AKAP13: variants seen among roughly 807,000 people sequenced by gnomAD.
AKAP13 encodes the protein A-kinase anchoring protein 13.
A neutral mutation model predicts 264.5 loss-of-function variants in AKAP13; 80 were observed. The ratio of observed to expected loss-of-function variants is 0.30; its 90% confidence interval spans 0.25 to 0.36. The LOEUF (loss-of-function observed/expected upper bound fraction) is 0.36, where lower values mean the gene tolerates loss of function less well. AKAP13 is among the 10% of genes least tolerant of loss of function. AKAP13 has a pLI of 1.00. For synonymous variants in AKAP13, 1,380 were observed against 1,250.2 expected, an observed-to-expected ratio of 1.10 and a Z score of -2.19; for missense variants, 3,712 against 3,435.2, an observed-to-expected ratio of 1.08 and a Z score of -2.01.
At chr15:85,651,628 C>A (rs2082854227) in intron 10 of AKAP13, 1 of 152,218 alleles carries the variant, frequency 6.6e-6, no homozygotes, top group Non-Finnish European at 1.5e-5. Context: ...GAAGTGAGCA[C>A]CCATCAGTGA....
intron 1 of AKAP13, among the ~76,000 whole-genome samples, chr15:85,427,989 C>T (rs16978061): frequency 1.1e-3 from 172 of 152,250 alleles, no homozygotes; most frequent in African/African-American, 4.0e-3. Flanking sequence ...GCTTACTGTC[C>T]AACTTACACT....
intron 16 of AKAP13, among the ~76,000 whole-genome samples, chr15:85,688,899 T>C: frequency 6.6e-6 from 1 of 152,318 alleles, no homozygotes; most frequent in South Asian, 2.1e-4. Context: ...CTTTGAGAGA[T>C]AGTGCTGTTT....
chr15:85,548,954 A>T (rs927662516), intron 5 of AKAP13, among the ~76,000 whole-genome samples: 1 of 150,866 alleles, frequency 6.6e-6, no homozygotes, highest in African/African-American at 2.4e-5. Context: ...ACTGTCTTCA[A>T]TGGGTTGCTT....
At chr15:85,482,308 C>T (rs2075376131) in intron 1 of AKAP13, among the ~76,000 whole-genome samples, 1 of 152,110 alleles carries the variant, frequency 6.6e-6, no homozygotes, top group South Asian at 2.1e-4. Context: ...ATTTGCTATT[C>T]CTTCTTCTGT....
At position 85,516,839 on chromosome 15, in the gene AKAP13, C is replaced by T. The variant is rs150019429; in HGVS notation, c.34-4589C>T. On this transcript the variant is annotated intron_variant, in intron 2 of 36. Coordinates refer to ENST00000394518, the MANE Select transcript of AKAP13 (RefSeq NM_007200.5). ...ACAAGAGATGTGAGTTGTGAAGACA[C>T]GCAGCAGGACACCATTATGTGGAAT... Among the ~76,000 whole-genome samples, 25 of 152,264 alleles carry T rather than the reference C, an allele frequency of 1.6e-4. 1 individual carries two copies. In the East Asian group the frequency reaches 3.5e-3, roughly 21 times the overall value.
At chr15:85,528,992 A>C (rs2077167946) in intron 3 of AKAP13, among the ~76,000 whole-genome samples, 1 of 152,184 alleles carries the variant, frequency 6.6e-6, no homozygotes, top group South Asian at 2.1e-4. Flanking sequence ...AACACCATGG[A>C]ACTAACTGAA....
intron 8 of AKAP13, among the ~76,000 whole-genome samples, chr15:85,613,691 A>AATATATATATATAT (rs751538813): frequency 3.3e-5 from 3 of 91,958 alleles, no homozygotes; most frequent in African/African-American, 1.4e-4. Flanking sequence ...AAAAAAAAAA[A>AATATATATATATAT]ATATATATAT....
intron 10 of AKAP13, among the ~76,000 whole-genome samples, chr15:85,651,181 A>G (rs1484204673): frequency 6.6e-6 from 1 of 152,248 alleles, no homozygotes; most frequent in Admixed American, 6.5e-5. Flanking sequence ...AACTCTGGCT[A>G]AGAAAGCCAA....
At chr15:85,496,634 C>G (rs529703857) in intron 2 of AKAP13, among the ~76,000 whole-genome samples, 2 of 152,198 alleles carry the variant, frequency 1.3e-5, no homozygotes, top group African/African-American at 2.4e-5. Context: ...CTAGGAAATG[C>G]ATTTCCACAG....
At chr15:85,531,824 T>C (rs2077251810) in intron 3 of AKAP13, among the ~76,000 whole-genome samples, 1 of 152,198 alleles carries the variant, frequency 6.6e-6, no homozygotes, top group Non-Finnish European at 1.5e-5. Context: ...CATGAACCAA[T>C]TATTCTTGCT....
rs1353805485 is a variant in AKAP13, at chr15:85,659,523, C to T, written c.4799+933C>T. Among the ~76,000 whole-genome samples the T allele has an allele frequency of 2.6e-5, 4 of 152,254 alleles. No individual in the cohort carries two copies. In the South Asian group the frequency reaches 6.2e-4, roughly 24 times the overall value. ...TCATGAATTTCAGATAATCATGATT[C>T]CTATGAAATTGTTCTTCCAGAAAAT... On this transcript the variant is annotated intron_variant, in intron 12 of 36. Coordinates refer to ENST00000394518, the MANE Select transcript of AKAP13 (RefSeq NM_007200.5).
At chr15:85,704,080 C>T (rs957670912) in intron 17 of AKAP13, among the ~76,000 whole-genome samples, 1 of 151,994 alleles carries the variant, frequency 6.6e-6, no homozygotes, top group East Asian at 1.9e-4. Context: ...AAGGTAATTC[C>T]TCAACTTGTG....
intron 2 of AKAP13, among the ~76,000 whole-genome samples, chr15:85,499,782 A>G (rs2075991488): frequency 2.0e-5 from 3 of 151,984 alleles, no homozygotes; most frequent in Admixed American, 6.6e-5. Context: ...TCCTACTCCT[A>G]TGCCCCGGCT....
chr15:85,575,880 G>A (rs1054432121), intron 6 of AKAP13, among the ~76,000 whole-genome samples: 5 of 152,180 alleles, frequency 3.3e-5, no homozygotes, highest in African/African-American at 1.2e-4. Flanking sequence ...CAGCTACTTG[G>A]GGGTCTGAGG....
chr15:85,471,262 G>A lies in AKAP13; in HGVS notation c.-11-14448G>A, dbSNP rs185416874. Among the ~76,000 whole-genome samples, 1,152 of 152,310 alleles carry A rather than the reference G, an allele frequency of 7.6e-3. 24 individuals carry two copies. The highest frequency in any genetic ancestry group is 0.026 in the African/African-American group (1,095 of 41,562). ...TGTAATCCCAGCACTTTGGGAGGCCGAGGCAGGCAGATCACAAGGTCAGGA... is the reference window on the plus strand; with the variant it reads ...TGTAATCCCAGCACTTTGGGAGGCCAAGGCAGGCAGATCACAAGGTCAGGA... On this transcript the variant is annotated intron_variant, in intron 1 of 36. Coordinates refer to ENST00000394518, the MANE Select transcript of AKAP13 (RefSeq NM_007200.5).
intron 5 of AKAP13, among the ~76,000 whole-genome samples, chr15:85,563,395 A>G (rs2078485076): frequency 1.4e-5 from 2 of 140,884 alleles, no homozygotes; most frequent in African/African-American, 2.6e-5. Flanking sequence ...AGTTTGTCCA[A>G]CATTTTGTCA....
intron 13 of AKAP13, among the ~76,000 whole-genome samples, chr15:85,665,525 T>C (rs1462017585): frequency 6.6e-6 from 1 of 152,324 alleles, no homozygotes; most frequent in Admixed American, 6.5e-5. Flanking sequence ...GAATTCTTTT[T>C]TTAAAAAATT....
chr15:85,734,909 T>C, intron 30 of AKAP13, 83 bp from the exon 31 acceptor site: 9 of 1,522,142 alleles, frequency 5.9e-6, no homozygotes, highest in Non-Finnish European at 8.0e-6. Context: ...GTCGTGCTCT[T>C]TGTACGTATC....
Position 85,508,653 on chromosome 15 carries a change from G to A in AKAP13, c.34-12775G>A, listed in dbSNP as rs1197962173. Among the ~76,000 whole-genome samples the A allele has an allele frequency of 2.6e-5, 4 of 151,812 alleles. No individual in the cohort carries two copies. The East Asian group carries it at 7.7e-4, about 29-fold the overall frequency. On this transcript the variant is annotated intron_variant, in intron 2 of 36. Transcript: ENST00000394518. Reference sequence around the variant, plus strand: ...AGTAATCCTTTGAAACATGAATCATGTCACTCTTCTTTTCAAAACCCTCCA... The same window carrying A: ...AGTAATCCTTTGAAACATGAATCATATCACTCTTCTTTTCAAAACCCTCCA...
Sources: gnomAD v4.1 joint callset for allele counts (sites outside exome capture counted in the v4.1 genomes callset) on GRCh38, gnomAD v4.1.1 for gene constraint, MANE v1.5 for transcripts, NCBI Gene and HGNC (gene_info 2026-07-23, HGNC 2026-07-21) for gene names.